ALDH1A2: variants seen among roughly 807,000 people sequenced by gnomAD.
ALDH1A2 encodes the protein retinal dehydrogenase 2.
Under a neutral mutation model 60.3 loss-of-function variants are expected in ALDH1A2, and 27 were observed. The observed-to-expected ratio is 0.45, with a 90% CI of 0.33 to 0.62. The LOEUF (loss-of-function observed/expected upper bound fraction) is 0.62, where lower values mean the gene tolerates loss of function less well. ALDH1A2 is among the 20% of genes least tolerant of loss of function. The pLI is 0.02. For missense variants in ALDH1A2, 581 were observed against 643.8 expected, an observed-to-expected ratio of 0.90 and a Z score of 1.06; for synonymous variants, 289 against 232.4, an observed-to-expected ratio of 1.24 and a Z score of -2.21.
intron 12 of ALDH1A2, among the ~76,000 whole-genome samples, chr15:57,957,843 G>C (rs16977870): frequency 0.037 from 5,556 of 151,942 alleles, 344 homozygotes; most frequent in African/African-American, 0.13. Flanking sequence ...ACTTGCAGCA[G>C]CATTTTTCAG....
At chr15:58,039,963 CT>C (rs1325632409) in intron 1 of ALDH1A2, among the ~76,000 whole-genome samples, 2 of 151,892 alleles carry the variant, frequency 1.3e-5, no homozygotes, top group African/African-American at 4.8e-5. Flanking sequence ...AATCAGCCCC[CT>C]GCCCTTGAAA....
At chr15:57,997,872 T>A (rs1895117428) in intron 4 of ALDH1A2, among the ~76,000 whole-genome samples, 1 of 151,962 alleles carries the variant, frequency 6.6e-6, no homozygotes, top group African/African-American at 2.4e-5. Context: ...AATCTTCTAG[T>A]CCCTACAGTT....
At chr15:58,063,405 T>G (rs1897091844) in intron 1 of ALDH1A2, among the ~76,000 whole-genome samples, 1 of 152,220 alleles carries the variant, frequency 6.6e-6, no homozygotes, top group Non-Finnish European at 1.5e-5. Flanking sequence ...TCTATCTTGT[T>G]CACTCTTCTG....
Position 57,965,979 on chromosome 15 carries a change from TGTA to T in ALDH1A2, c.799-155_799-153del, listed in dbSNP as rs1407514001. On this transcript the variant is annotated intron_variant, in intron 7 of 12. Coordinates refer to ENST00000249750, the MANE Select transcript of ALDH1A2 (RefSeq NM_003888.4). ...CTTGTCATCAGCTTGGGTTACAAGATGTAAGTTAGTGGGGTACAGTTTAATGTC... is the reference window on the plus strand; with the variant it reads ...CTTGTCATCAGCTTGGGTTACAAGATAGTTAGTGGGGTACAGTTTAATGTC... 42 of 696,300 alleles carry T rather than the reference TGTA, an allele frequency of 6.0e-5. No individual in the cohort carries two copies. The African/African-American group carries it at 6.2e-4, about 10-fold the overall frequency. 43.1% of individuals were successfully genotyped at this position (696,300 alleles called of 1,614,324 possible).
At chr15:58,029,643 G>C (rs1176171522) in intron 1 of ALDH1A2, among the ~76,000 whole-genome samples, 3 of 149,032 alleles carry the variant, frequency 2.0e-5, no homozygotes, top group African/African-American at 4.9e-5. Flanking sequence ...CAACAAAACA[G>C]ATATACTGCT....
chr15:58,055,549 CAGAGA>C (rs1896874255), intron 1 of ALDH1A2, among the ~76,000 whole-genome samples: 1 of 151,628 alleles, frequency 6.6e-6, no homozygotes, highest in Non-Finnish European at 1.5e-5. Flanking sequence ...TATGAATGCT[CAGAGA>C]ATATACATTC....
chr15:58,056,297 ACAC>A (rs1566962767), intron 1 of ALDH1A2, among the ~76,000 whole-genome samples: 1 of 152,112 alleles, frequency 6.6e-6, no homozygotes, highest in African/African-American at 2.4e-5. Flanking sequence ...AGAGAAGACC[ACAC>A]ATTCTAGACT....
rs1894604167 is a variant in ALDH1A2 at position 57,983,880 on chromosome 15, G to A, written c.798+8825C>T. Among the ~76,000 whole-genome samples, 4 of 152,294 alleles carry A rather than the reference G, an allele frequency of 2.6e-5. No homozygotes were observed. In the South Asian group the frequency reaches 8.3e-4, roughly 32 times the overall value. On this transcript the variant is annotated intron_variant, in intron 7 of 12. Transcript: ENST00000249750. ...AACAACTTAAGTTTTAAATTTTCAT[G>A]TCCTATATCAGACAGTGTCAAATGG...
At chr15:57,986,712 G>T (rs1286862788) in intron 7 of ALDH1A2, among the ~76,000 whole-genome samples, 1 of 151,810 alleles carries the variant, frequency 6.6e-6, no homozygotes, top group Non-Finnish European at 1.5e-5. Context: ...CACTCCCGTC[G>T]CCCAGGCTGG....
At chr15:58,011,632 C>A (rs1415249678) in intron 3 of ALDH1A2, among the ~76,000 whole-genome samples, 1 of 152,026 alleles carries the variant, frequency 6.6e-6, no homozygotes, top group Non-Finnish European at 1.5e-5. Context: ...ATTATTTGAT[C>A]TCTGACAAAG....
At chr15:58,024,896 G>T (rs2414529) in intron 1 of ALDH1A2, among the ~76,000 whole-genome samples, 69,571 of 151,904 alleles carry the variant, frequency 0.46, 16,489 homozygotes, top group Non-Finnish European at 0.53. Flanking sequence ...CTCTGGAAAC[G>T]ATACAAATAC....
At chr15:57,985,050 A>G (rs1894650042) in intron 7 of ALDH1A2, among the ~76,000 whole-genome samples, 1 of 152,176 alleles carries the variant, frequency 6.6e-6, no homozygotes, top group Non-Finnish European at 1.5e-5. Flanking sequence ...TTTTCCATCT[A>G]TACTCATAAG....
intron 1 of ALDH1A2, among the ~76,000 whole-genome samples, chr15:58,041,063 T>G (rs1313606978): frequency 6.6e-6 from 1 of 151,882 alleles, no homozygotes; most frequent in Non-Finnish European, 1.5e-5. Context: ...CGCATGACCT[T>G]CAAGTGGCCA....
At chr15:58,053,764 T>C (rs1388067164) in intron 1 of ALDH1A2, among the ~76,000 whole-genome samples, 2 of 152,162 alleles carry the variant, frequency 1.3e-5, no homozygotes, top group African/African-American at 2.4e-5. Flanking sequence ...CTCAATGTGC[T>C]GAACACAATG....
At chr15:58,056,864 T>C (rs895462307) in intron 1 of ALDH1A2, among the ~76,000 whole-genome samples, 2 of 151,886 alleles carry the variant, frequency 1.3e-5, no homozygotes, top group Non-Finnish European at 2.9e-5. Context: ...GTTAGCAAAA[T>C]TTAATAAGTA....
At chr15:58,058,152 G>T in intron 1 of ALDH1A2, 2 of 1,324,230 alleles carry the variant, frequency 1.5e-6, no homozygotes, top group Middle Eastern at 1.8e-4. Context: ...AATTCATACA[G>T]GCATTTCATA....
At chr15:58,006,393 A>G (rs1321448239) in intron 4 of ALDH1A2, among the ~76,000 whole-genome samples, 1 of 151,916 alleles carries the variant, frequency 6.6e-6, no homozygotes, top group African/African-American at 2.4e-5. Flanking sequence ...TATTTACCAC[A>G]CCTTCTTTAT....
At chr15:58,025,743 C>G (rs1331702320) in intron 1 of ALDH1A2, among the ~76,000 whole-genome samples, 3 of 152,164 alleles carry the variant, frequency 2.0e-5, no homozygotes, top group African/African-American at 7.2e-5. Flanking sequence ...AAGTAGGGTG[C>G]CAGCATCTGC....
At chr15:57,986,546 A>G (rs1434503329) in intron 7 of ALDH1A2, among the ~76,000 whole-genome samples, 5 of 134,446 alleles carry the variant, frequency 3.7e-5, no homozygotes, top group Non-Finnish European at 6.1e-5. Flanking sequence ...AATGTCCAGT[A>G]TCCTTTCAAA....
Sources: allele counts gnomAD v4.1 joint callset (sites outside exome capture counted in the v4.1 genomes callset), GRCh38; gene constraint gnomAD v4.1.1; transcripts MANE v1.5; gene names NCBI Gene and HGNC (gene_info 2026-07-23, HGNC 2026-07-21).